CDH23: variants seen among roughly 807,000 people sequenced by gnomAD.
CDH23 encodes cadherin-23.
In CDH23, 189 loss-of-function variants were observed where a neutral mutation model predicts 317.1. That is an observed-to-expected ratio of 0.60 (90% CI 0.53 to 0.67). The LOEUF is 0.67. CDH23 is among the 30% of genes least tolerant of loss of function. The pLI is 0.00. For missense variants in CDH23, 4,401 were observed against 4,592.4 expected, an observed-to-expected ratio of 0.96 and a Z score of 1.20; for synonymous variants, 1,839 against 1,876.8, an observed-to-expected ratio of 0.98 and a Z score of 0.52.
intron 30 of CDH23, among the ~76,000 whole-genome samples, chr10:71,729,171 T>G (rs771587850): frequency 1.3e-5 from 2 of 152,154 alleles, no homozygotes; most frequent in Non-Finnish European, 2.9e-5. Context: ...ACGTTCATGA[T>G]GTACAGTGCA....
At chr10:71,511,295 G>A in intron 6 of CDH23, 83 bp downstream of exon 6, 1 of 1,264,046 alleles carries the variant, frequency 7.9e-7, no homozygotes, top group East Asian at 2.3e-5. Flanking sequence ...AGAGTCAGGT[G>A]GGGAGAGCAG....
intron 9 of CDH23, among the ~76,000 whole-genome samples, chr10:71,590,877 A>AC (rs1564673696): frequency 2.4e-4 from 29 of 123,002 alleles, no homozygotes; most frequent in Admixed American, 1.2e-3. Flanking sequence ...TGTCTCTAAA[A>AC]AAAAAAAAAC....
intron 22 of CDH23, among the ~76,000 whole-genome samples, chr10:71,701,291 C>T (rs539735108): frequency 1.3e-3 from 200 of 152,294 alleles, no homozygotes; most frequent in African/African-American, 4.3e-3. Context: ...GATCGGTGCA[C>T]GCAGGGGGCC....
At chr10:71,683,417 A>G (rs1015289689) in intron 18 of CDH23, among the ~76,000 whole-genome samples, 6 of 152,226 alleles carry the variant, frequency 3.9e-5, no homozygotes, top group Non-Finnish European at 7.3e-5. Flanking sequence ...CCTTCCTGTC[A>G]CAGCCAGCTT....
Position 71,793,636 on chromosome 10 carries a change from CA to C in CDH23, c.6709del (p.Thr2237GlnfsTer4). ...QEDAFAVNIN[T>X]GSVMVKSPMN... Reference sequence around the variant, plus strand: ...AGGACGCCTTTGCTGTGAATATCAACACAGGTACAAGGGCCTGCACCCCTCC... The same window carrying C: ...AGGACGCCTTTGCTGTGAATATCAACCAGGTACAAGGGCCTGCACCCCTCC... On this transcript the variant is annotated frameshift_variant, in exon 48 of 70. Transcript: ENST00000224721. LOFTEE classifies it high-confidence loss of function. 6.3e-7 allele frequency: 1 copy of C among 1,580,770 alleles called. No homozygotes were observed. The highest frequency in any genetic ancestry group is 1.2e-5 in the South Asian group (1 of 84,782).
At chr10:71,414,005 T>G (rs1024688555) in intron 1 of CDH23, among the ~76,000 whole-genome samples, 1 of 152,036 alleles carries the variant, frequency 6.6e-6, no homozygotes, top group Non-Finnish European at 1.5e-5. Flanking sequence ...GTGTGTTGAT[T>G]TTTTGTACTG....
At position 71,716,133 on chromosome 10, in the gene CDH23, G is replaced by A. The variant is rs752490185; in HGVS notation, c.3369+3320G>A. On this transcript the variant is annotated intron_variant, in intron 28 of 69. Transcript: ENST00000224721. Reference sequence around the variant, plus strand: ...TGGGGCATGCACTCGTGAGCCCTGCGGCGGCTCGGGTCCAGCGCGGCCGGC... The same window carrying A: ...TGGGGCATGCACTCGTGAGCCCTGCAGCGGCTCGGGTCCAGCGCGGCCGGC... 31 of 1,549,876 alleles carry A rather than the reference G, an allele frequency of 2.0e-5. No homozygotes were observed. The African/African-American group carries it at 2.5e-4, about 12-fold the overall frequency.
At chr10:71,784,814 C>G (rs182611272) in intron 42 of CDH23, 77 bp from the exon 43 acceptor site, 2 of 1,221,400 alleles carry the variant, frequency 1.6e-6, no homozygotes, top group Non-Finnish European at 2.4e-6. Flanking sequence ...CCGCCCTTGG[C>G]GAACCTCCTC....
intron 14 of CDH23, among the ~76,000 whole-genome samples, chr10:71,648,366 A>G (rs1467053241): frequency 6.6e-6 from 1 of 152,226 alleles, no homozygotes; most frequent in African/African-American, 2.4e-5. Context: ...GGCAGCCAAC[A>G]GCCTATGCTT....
intron 28 of CDH23, among the ~76,000 whole-genome samples, chr10:71,720,183 G>A (rs2132787463): frequency 6.6e-6 from 1 of 152,332 alleles, no homozygotes; most frequent in South Asian, 2.1e-4. Flanking sequence ...GTCCCTGGCA[G>A]CCCCTGAGGC....
chr10:71,611,379 C>G (rs368516572), intron 9 of CDH23, among the ~76,000 whole-genome samples: 7 of 152,256 alleles, frequency 4.6e-5, no homozygotes, highest in Non-Finnish European at 1.5e-5. Context: ...AACACTAGCT[C>G]TCTGTGGCGA....
At chr10:71,740,762 A>G in intron 36 of CDH23, 60 bp from the exon 37 acceptor site, 1 of 1,607,456 alleles carries the variant, frequency 6.2e-7, no homozygotes, top group Non-Finnish European at 8.5e-7. Context: ...TTTGGACTCC[A>G]TATTCCCAAT....
intron 38 of CDH23, among the ~76,000 whole-genome samples, chr10:71,773,121 T>C (rs1840724769): frequency 1.3e-5 from 2 of 152,236 alleles, no homozygotes; most frequent in African/African-American, 2.4e-5. Context: ...CAGCCCTGCC[T>C]GCCACTTGGG....
At chr10:71,547,424 C>G (rs1234690263) in intron 6 of CDH23, among the ~76,000 whole-genome samples, 2 of 152,154 alleles carry the variant, frequency 1.3e-5, no homozygotes, top group African/African-American at 4.8e-5. Flanking sequence ...GTCAGTGAAG[C>G]CGAGAAGGGC....
chr10:71,510,283 GGGAA>G, intron 4 of CDH23, 59 bp downstream of exon 4: 1 of 1,575,928 alleles, frequency 6.3e-7, no homozygotes, highest in Non-Finnish European at 8.6e-7. Flanking sequence ...GAGACACTGG[GGGAA>G]GGACGGCCCG....
At chr10:71,558,817 T>G (rs1856990370) in intron 6 of CDH23, among the ~76,000 whole-genome samples, 1 of 152,192 alleles carries the variant, frequency 6.6e-6, no homozygotes, top group African/African-American at 2.4e-5. Context: ...TGCACCAGTT[T>G]TCCTTTTTAC....
At chr10:71,466,674 C>T (rs1240729164) in intron 3 of CDH23, among the ~76,000 whole-genome samples, 2 of 152,004 alleles carry the variant, frequency 1.3e-5, no homozygotes, top group East Asian at 1.9e-4. Context: ...TATGTGAGTG[C>T]GTCCTTGTCC....
At chr10:71,428,998 A>G (rs1041057243) in intron 1 of CDH23, among the ~76,000 whole-genome samples, 2 of 152,160 alleles carry the variant, frequency 1.3e-5, no homozygotes, top group South Asian at 2.1e-4. Context: ...CTTATCTGGC[A>G]TGTGATTTGT....
Position 71,403,452 on chromosome 10 carries a change from CCTTT to C in CDH23, c.-6+6136_-6+6139del, listed in dbSNP as rs1487466794. 5.7e-4 allele frequency among the ~76,000 whole-genome samples: 20 copies of C among 35,306 alleles called. 2 individuals carry two copies. The highest frequency in any genetic ancestry group is 2.2e-3 in the Admixed American group (7 of 3,174). 23.2% of individuals were successfully genotyped at this position (35,306 alleles called of 152,430 possible). ...TCCTTCCTTCCTTCCTTCCTTCCTTCCTTTCCTTCCTTCCTTCCTTCCTTCCTTC... is the reference window on the plus strand; with the variant it reads ...TCCTTCCTTCCTTCCTTCCTTCCTTCCCTTCCTTCCTTCCTTCCTTCCTTC... On this transcript the variant is annotated intron_variant, in intron 1 of 69. Coordinates refer to ENST00000224721, the MANE Select transcript of CDH23 (RefSeq NM_022124.6).
Sources: gnomAD v4.1 joint callset for allele counts (sites outside exome capture counted in the v4.1 genomes callset) on GRCh38, gnomAD v4.1.1 for gene constraint, MANE v1.5 for transcripts, NCBI Gene and HGNC (gene_info 2026-07-23, HGNC 2026-07-21) for gene names.